The following DTNA variants were observed in gnomAD, a reference collection of about 807,000 sequenced individuals.
DTNA encodes dystrophin-related protein 3.
A neutral mutation model predicts 100.7 loss-of-function variants in DTNA; 43 were observed. The observed-to-expected ratio is 0.43, with a 90% CI of 0.33 to 0.55. The LOEUF (loss-of-function observed/expected upper bound fraction) is 0.55, where lower values mean the gene tolerates loss of function less well. Ranked by LOEUF, DTNA falls within the 20% of genes least tolerant of loss-of-function variation. The pLI, the probability that DTNA is intolerant of heterozygous loss-of-function variation, is 0.04. For synonymous variants in DTNA, 349 were observed against 347.9 expected, an observed-to-expected ratio of 1.00 and a Z score of -0.04; for missense variants, 798 against 953.9, an observed-to-expected ratio of 0.84 and a Z score of 2.15.
intron 1 of DTNA, among the ~76,000 whole-genome samples, chr18:34,544,326 T>TA (rs912377487): frequency 6.6e-6 from 1 of 151,872 alleles, no homozygotes; most frequent in Non-Finnish European, 1.5e-5. Flanking sequence ...TATGTTTTTT[T>TA]AAAAAAAATA....
At chr18:34,767,164 C>T (rs1040762531) in intron 3 of DTNA, among the ~76,000 whole-genome samples, 6 of 152,074 alleles carry the variant, frequency 3.9e-5, no homozygotes, top group African/African-American at 1.4e-4. Flanking sequence ...GTAATGTTCT[C>T]CTGATACATA....
chr18:34,827,707 C>T (rs758809638), intron 10 of DTNA, 31 bp downstream of exon 10: 15 of 1,600,666 alleles, frequency 9.4e-6, no homozygotes, highest in Non-Finnish European at 1.3e-5. Flanking sequence ...AAAATAAGCC[C>T]TTTCTTTGGT....
chr18:34,556,428 G>T (rs1201599316), intron 1 of DTNA, among the ~76,000 whole-genome samples: 9 of 150,652 alleles, frequency 6.0e-5, no homozygotes, highest in Admixed American at 4.0e-4. Flanking sequence ...GTTAGCTGGT[G>T]ATTTTGCTCG....
intron 14 of DTNA, among the ~76,000 whole-genome samples, chr18:34,848,800 C>G (rs1228703457): frequency 6.6e-6 from 1 of 152,168 alleles, no homozygotes; most frequent in African/African-American, 2.4e-5. Flanking sequence ...ATAGCTTTCT[C>G]CATTTGTGTC....
chr18:34,766,067 A>C (rs973420055), intron 3 of DTNA, 26 bp downstream of exon 3: 2 of 1,608,350 alleles, frequency 1.2e-6, no homozygotes, highest in Non-Finnish European at 1.7e-6. Context: ...GTTTGGACTA[A>C]TTACCATCAT....
chr18:34,665,522 A>T (rs905579442), intron 1 of DTNA, among the ~76,000 whole-genome samples: 8 of 152,114 alleles, frequency 5.3e-5, no homozygotes, highest in Non-Finnish European at 1.2e-4. Flanking sequence ...TGCTGCACCC[A>T]TTAACTCTTC....
chr18:34,558,595 TA>T (rs915050549), intron 1 of DTNA, among the ~76,000 whole-genome samples: 1 of 151,984 alleles, frequency 6.6e-6, no homozygotes, highest in Non-Finnish European at 1.5e-5. Flanking sequence ...GTGATGCAAA[TA>T]AAAAATAAAG....
At chr18:34,561,917 G>A (rs1295086630) in intron 1 of DTNA, among the ~76,000 whole-genome samples, 1 of 152,162 alleles carries the variant, frequency 6.6e-6, no homozygotes, top group African/African-American at 2.4e-5. Flanking sequence ...CGGAAAGTGA[G>A]AATGTTGTAC....
At chr18:34,563,587 A>G (rs2046826561) in intron 1 of DTNA, among the ~76,000 whole-genome samples, 1 of 152,206 alleles carries the variant, frequency 6.6e-6, no homozygotes, top group Non-Finnish European at 1.5e-5. Context: ...TTGTAAAGAA[A>G]TATGCTCTCA....
chr18:34,659,788 AC>A (rs1230893978), intron 1 of DTNA, among the ~76,000 whole-genome samples: 1 of 152,164 alleles, frequency 6.6e-6, no homozygotes, highest in Admixed American at 6.6e-5. Context: ...TTAACCGGTG[AC>A]CGTATTTAGT....
chr18:34,875,487 A>G, intron 18 of DTNA, 89 bp downstream of exon 18: 1 of 1,578,320 alleles, frequency 6.3e-7, no homozygotes. Flanking sequence ...TGTCAGAACC[A>G]CATGTGACTA....
Position 34,577,406 on chromosome 18 carries a change from TC to T in DTNA, c.-2+83893del, listed in dbSNP as rs567594708. Among the ~76,000 whole-genome samples, 856 of 152,324 alleles carry T rather than the reference TC, an allele frequency of 5.6e-3. 15 individuals are homozygous for T. Among genetic ancestry groups the T allele is most frequent in the African/African-American group, 0.019 (806 of 41,578 alleles). ...ATGTAGTTTGGTCTTGGTTTTTTAT[TC>T]AGTCTGATAATGGAATATTGAGTCC... On this transcript the variant is annotated intron_variant, in intron 1 of 19. Transcript: ENST00000283365.
At chr18:34,513,211 A>G (rs953246828) in intron 1 of DTNA, among the ~76,000 whole-genome samples, 3 of 152,116 alleles carry the variant, frequency 2.0e-5, no homozygotes, top group Admixed American at 2.0e-4. Context: ...TTCCATGTCC[A>G]TGAATCCAGA....
chr18:34,596,407 C>A (rs564949663), intron 1 of DTNA, among the ~76,000 whole-genome samples: 2 of 152,016 alleles, frequency 1.3e-5, no homozygotes, highest in Non-Finnish European at 2.9e-5. Flanking sequence ...TTAGTAGAGT[C>A]GGGTTTTCAA....
At chr18:34,632,761 C>G (rs1045031020) in intron 1 of DTNA, among the ~76,000 whole-genome samples, 8 of 152,168 alleles carry the variant, frequency 5.3e-5, no homozygotes, top group Non-Finnish European at 1.2e-4. Flanking sequence ...TCTTGTTTTT[C>G]AACTCACTTT....
At chr18:34,642,001 A>G (rs2059328248) in intron 1 of DTNA, among the ~76,000 whole-genome samples, 3 of 152,240 alleles carry the variant, frequency 2.0e-5, no homozygotes, top group African/African-American at 7.2e-5. Context: ...CACCATTATT[A>G]TATAAGGATT....
In DTNA at chr18:34,890,114, A is replaced by C; in HGVS notation, c.*2380A>C. The C allele has an allele frequency of 7.1e-7, 1 of 1,403,450 alleles. No homozygotes were observed. The highest frequency in any genetic ancestry group is 2.7e-4 in the Middle Eastern group (1 of 3,768). 86.9% of individuals were successfully genotyped at this position (1,403,450 alleles called of 1,614,324 possible). On this transcript the variant is annotated 3_prime_UTR_variant, in exon 23 of 23. Coordinates refer to ENST00000444659, the MANE Select transcript of DTNA (RefSeq NM_001386795.1). ...ATATGTTGTTTCTTTGTGTTTCTAC[A>C]TCAAAATGTTCGTCTAAGATTTGAA...
intron 16 of DTNA, among the ~76,000 whole-genome samples, chr18:34,860,232 T>C (rs866237127): frequency 7.3e-6 from 1 of 136,442 alleles, no homozygotes. Flanking sequence ...TTTTTTTTTT[T>C]TTTTTTTTTT....
At chr18:34,544,426 A>G (rs935199203) in intron 1 of DTNA, among the ~76,000 whole-genome samples, 3 of 152,266 alleles carry the variant, frequency 2.0e-5, no homozygotes, top group Non-Finnish European at 2.9e-5. Flanking sequence ...AAATAATGCA[A>G]TGCTCAACAA....
Sources: allele counts gnomAD v4.1 joint callset (sites outside exome capture counted in the v4.1 genomes callset), GRCh38; gene constraint gnomAD v4.1.1; transcripts MANE v1.5; gene names NCBI Gene and HGNC (gene_info 2026-07-23, HGNC 2026-07-21).